Variants in ACSM2A observed in about 807,000 individuals in gnomAD.
ACSM2A encodes the protein acyl-coenzyme A synthetase ACSM2A, mitochondrial.
ACSM2A carries 72 observed loss-of-function variants against 76.6 expected under a neutral mutation model. That is an observed-to-expected ratio of 0.94 (90% CI 0.78 to 1.14). The LOEUF is 1.14. Ranked by LOEUF, ACSM2A falls within the 50% of genes most tolerant of loss-of-function variation. The probability of loss-of-function intolerance (pLI) is 0.00; values close to 1 mark genes in which losing one functional copy is unlikely to be tolerated. For synonymous variants in ACSM2A, 249 were observed against 255.9 expected (o/e 0.97, Z 0.26); for missense variants, 684 against 708.5 (o/e 0.97, Z 0.39).
chr16:20,459,939 C>T (rs765126686), intron 1 of ACSM2A, among the ~76,000 whole-genome samples, 168 bp from the exon 2 acceptor site: 2 of 152,030 alleles, frequency 1.3e-5, no homozygotes, highest in Non-Finnish European at 2.9e-5. Context: ...AAACAGCACC[C>T]CACAAGGAGA....
intron 1 of ACSM2A, 86 bp downstream of exon 1, chr16:20,451,767 A>G (rs905586610): frequency 2.7e-5 from 4 of 149,256 alleles, no homozygotes; most frequent in African/African-American, 9.9e-5. Context: ...TGGTGAGAAG[A>G]GCAAAAATCC....
At chr16:20,474,545 T>C (rs2013611631) in intron 6 of ACSM2A, among the ~76,000 whole-genome samples, 1 of 152,170 alleles carries the variant, frequency 6.6e-6, no homozygotes, top group Non-Finnish European at 1.5e-5. Flanking sequence ...TTTATTTTCT[T>C]CATAAATTAC....
At chr16:20,473,705 T>C (rs538855053) in intron 6 of ACSM2A, among the ~76,000 whole-genome samples, 51 of 152,198 alleles carry the variant, frequency 3.4e-4, no homozygotes, top group African/African-American at 1.1e-3. Flanking sequence ...ACTTCCTCCT[T>C]AGCCAGGGTT....
intron 1 of ACSM2A, among the ~76,000 whole-genome samples, chr16:20,458,203 A>G (rs2012312742): frequency 2.6e-5 from 4 of 151,246 alleles, no homozygotes; most frequent in Admixed American, 6.6e-5. Flanking sequence ...TGGGTAGAAT[A>G]AATATTGTAA....
rs1307367873 is a variant in ACSM2A, at chr16:20,486,805, T to C, written c.*127T>C. 20 of 1,210,668 alleles carry C rather than the reference T, an allele frequency of 1.7e-5. No individual in the cohort carries two copies. The highest frequency in any genetic ancestry group is 2.2e-5 in the Non-Finnish European group (19 of 849,612). 75.0% of individuals were successfully genotyped at this position (1,210,668 alleles called of 1,614,324 possible). A position where few individuals can be genotyped will look rare whatever the true frequency, so the allele number is the denominator to read the frequency against. On this transcript the variant is annotated 3_prime_UTR_variant, in exon 14 of 14. Transcript: ENST00000573854. Reference sequence around the variant, plus strand: ...ACATGAATATAAGTTTTGTCTTGCCTTGGTTATTAGCACAAAACTTTACCA... The same window carrying C: ...ACATGAATATAAGTTTTGTCTTGCCCTGGTTATTAGCACAAAACTTTACCA...
At chr16:20,453,648 G>T (rs1272931681) in intron 1 of ACSM2A, 5 of 126,446 alleles carry the variant, frequency 4.0e-5, no homozygotes, top group Non-Finnish European at 8.1e-5. Flanking sequence ...ACTGCCTGCG[G>T]GGTCGGGCAG....
intron 1 of ACSM2A, among the ~76,000 whole-genome samples, chr16:20,458,609 T>C (rs1596640790): frequency 1.4e-5 from 2 of 143,740 alleles, no homozygotes; most frequent in East Asian, 4.0e-4. Flanking sequence ...TATATATATA[T>C]ATATGTATTT....
rs570270279 is a variant in ACSM2A at position 20,474,376 on chromosome 16, A to G, written c.895-986A>G. Among the ~76,000 whole-genome samples, 20 of 152,194 alleles carry G rather than the reference A, an allele frequency of 1.3e-4. 1 individual carries two copies. The South Asian group carries it at 4.2e-3, about 32-fold the overall frequency. The stretch of plus-strand genomic sequence containing the variant: ...GTTAGTTTTGGAGAGTGGGTCTGTT[A>G]TATAAAAAGCCAGTTTTGCTCTACC... On this transcript the variant is annotated intron_variant, in intron 6 of 13. Transcript: ENST00000573854.
At position 20,478,623 on chromosome 16, in the gene ACSM2A, C is replaced by T; in HGVS notation, c.1227C>T (p.Asp409=). The T allele has an allele frequency of 1.2e-6, 2 of 1,613,904 alleles. No individual in the cohort carries two copies. Among genetic ancestry groups the T allele is most frequent in the Non-Finnish European group, 1.7e-6 (2 of 1,179,844 alleles). ...GNVLPPGTEG[D]IGIRVKPIRP... ...TCCTGCCCCCCGGCACAGAAGGAGA[C>T]ATTGGCATCAGGGTCAAACCCATCA... The change falls in exon 10 of 14, where the codon GAC becomes GAT. Residue 409 remains aspartate (D), a synonymous_variant. Transcript: ENST00000573854.
chr16:20,483,374 A>G (rs1411012923), intron 13 of ACSM2A, among the ~76,000 whole-genome samples, 197 bp downstream of exon 13: 1 of 127,696 alleles, frequency 7.8e-6, no homozygotes, highest in Non-Finnish European at 1.8e-5. Context: ...GTTCAAGATC[A>G]GCCTGGCCAA....
At chr16:20,470,570 T>C (rs2013322892) in intron 4 of ACSM2A, among the ~76,000 whole-genome samples, 1 of 152,204 alleles carries the variant, frequency 6.6e-6, no homozygotes, top group Admixed American at 6.5e-5. Context: ...TGCCTGCTTT[T>C]AAAGGCTCAA....
chr16:20,478,019 T>A (rs548056468), intron 9 of ACSM2A, among the ~76,000 whole-genome samples: 1 of 152,200 alleles, frequency 6.6e-6, no homozygotes, highest in African/African-American at 2.4e-5. Flanking sequence ...ATGTGTATAG[T>A]TCTGTATATC....
intron 2 of ACSM2A, among the ~76,000 whole-genome samples, chr16:20,463,585 C>T (rs1248053945): frequency 6.6e-6 from 1 of 152,104 alleles, no homozygotes; most frequent in African/African-American, 2.4e-5. Flanking sequence ...CACCTTCTTC[C>T]ATGGCTGTAA....
chr16:20,466,436 C>T (rs566663412), intron 3 of ACSM2A, among the ~76,000 whole-genome samples: 2 of 152,196 alleles, frequency 1.3e-5, no homozygotes, highest in African/African-American at 4.8e-5. Flanking sequence ...TTCTTGTCCA[C>T]TTCCCAGAAA....
At chr16:20,454,588 G>A (rs1248858190) in intron 1 of ACSM2A, among the ~76,000 whole-genome samples, 1 of 151,866 alleles carries the variant, frequency 6.6e-6, no homozygotes, top group Non-Finnish European at 1.5e-5. Context: ...CTCTCAGAAA[G>A]CCACATCCCT....
chr16:20,469,791 G>C (rs1257304229), intron 4 of ACSM2A, 72 bp downstream of exon 4: 1 of 1,596,218 alleles, frequency 6.3e-7, no homozygotes, highest in Non-Finnish European at 8.6e-7. Flanking sequence ...AGGTGCAGGT[G>C]CTTTATTGAG....
At chr16:20,470,562 C>T (rs1174635057) in intron 4 of ACSM2A, among the ~76,000 whole-genome samples, 1 of 152,142 alleles carries the variant, frequency 6.6e-6, no homozygotes, top group Non-Finnish European at 1.5e-5. Context: ...CACCATCATG[C>T]CTGCTTTTAA....
chr16:20,473,371 C>T (rs1186672734), intron 6 of ACSM2A, among the ~76,000 whole-genome samples: 1 of 151,994 alleles, frequency 6.6e-6, no homozygotes, highest in East Asian at 1.9e-4. Flanking sequence ...TTATAAAGCC[C>T]ATTGGGAAAA....
Position 20,477,409 on chromosome 16 carries a change from C to T in ACSM2A, c.1139C>T (p.Pro380Leu), listed in dbSNP as rs774952137. Reference protein sequence around the residue: ...CMVSKTMKIKPGYMGTAASCY... With the variant: ...CMVSKTMKIKLGYMGTAASCY... The stretch of plus-strand genomic sequence containing the variant: ...GTTTCCAAGACAATGAAAATCAAAC[C>T]AGGATACATGGGAACGGCTGCTTCC... Residue 380 changes from proline (P) to leucine (L), a missense_variant, in exon 9 of 14, where the codon CCA (proline) becomes CTA (leucine). Around this residue, in one of 3 missense-constraint regions of ACSM2A, gnomAD observed 519 missense variants for 549.5 expected, o/e 0.94. Transcript: ENST00000573854. 34 of 1,609,746 alleles carry T rather than the reference C, an allele frequency of 2.1e-5. No homozygotes were observed. In the South Asian group the frequency reaches 2.5e-4, roughly 12 times the overall value.
Sources: allele counts gnomAD v4.1 joint callset (sites outside exome capture counted in the v4.1 genomes callset), GRCh38; gene constraint gnomAD v4.1.1; regional missense constraint gnomAD v4.1.1; transcripts MANE v1.5; gene names NCBI Gene and HGNC (gene_info 2026-07-23, HGNC 2026-07-21).